FRMD4A: variants seen among roughly 807,000 people sequenced by gnomAD.
The protein encoded by FRMD4A is FERM domain-containing protein 4A.
A neutral mutation model predicts 129.1 loss-of-function variants in FRMD4A; 29 were observed. That is an observed-to-expected ratio of 0.22 (90% CI 0.17 to 0.31). The LOEUF (loss-of-function observed/expected upper bound fraction) is 0.31. FRMD4A is among the 10% of genes least tolerant of loss of function. FRMD4A has a pLI of 1.00. For missense variants in FRMD4A, 1,272 were observed against 1,375.8 expected (o/e 0.92, Z 1.19); for synonymous variants, 634 against 571.6 (o/e 1.11, Z -1.56).
intron 2 of FRMD4A, among the ~76,000 whole-genome samples, chr10:14,075,739 G>T (rs774049246): frequency 1.1e-5 from 1 of 89,548 alleles, no homozygotes; most frequent in Non-Finnish European, 2.2e-5. Flanking sequence ...TAGTGTGTGT[G>T]TATATTTTAT....
chr10:14,152,499 G>T (rs1840389794), intron 2 of FRMD4A, among the ~76,000 whole-genome samples: 1 of 152,088 alleles, frequency 6.6e-6, no homozygotes, highest in Non-Finnish European at 1.5e-5. Flanking sequence ...TTAAATATCT[G>T]ACCAGCATGT....
chr10:14,068,341 C>G (rs547512312), intron 2 of FRMD4A, among the ~76,000 whole-genome samples: 2 of 152,082 alleles, frequency 1.3e-5, no homozygotes, highest in South Asian at 4.1e-4. Context: ...AATGGTTATG[C>G]CTAAGAACTG....
intron 2 of FRMD4A, among the ~76,000 whole-genome samples, chr10:14,303,417 G>C (rs1022662344): frequency 2.6e-5 from 4 of 152,222 alleles, no homozygotes; most frequent in Admixed American, 1.3e-4. Flanking sequence ...GCTAGGGCCT[G>C]GCAGCACAGG....
intron 2 of FRMD4A, among the ~76,000 whole-genome samples, chr10:14,059,556 C>T (rs1351749079): frequency 6.6e-6 from 1 of 152,198 alleles, no homozygotes; most frequent in African/African-American, 2.4e-5. Context: ...AGGAAGAGAG[C>T]TCTCACTGGG....
At chr10:14,146,902 T>C (rs1162215149) in intron 2 of FRMD4A, among the ~76,000 whole-genome samples, 1 of 152,264 alleles carries the variant, frequency 6.6e-6, no homozygotes, top group Non-Finnish European at 1.5e-5. Flanking sequence ...AATAACTAAA[T>C]GTAATGCTTA....
At chr10:14,105,149 C>T (rs559592061) in intron 2 of FRMD4A, among the ~76,000 whole-genome samples, 31 of 152,348 alleles carry the variant, frequency 2.0e-4, no homozygotes, top group Non-Finnish European at 3.8e-4. Flanking sequence ...AGAGATGGGT[C>T]ATTTGAAGAG....
At chr10:13,661,186 G>A (rs1173389049) in intron 19 of FRMD4A, among the ~76,000 whole-genome samples, 1 of 152,140 alleles carries the variant, frequency 6.6e-6, no homozygotes, top group African/African-American at 2.4e-5. Context: ...CTTTTTTAAG[G>A]AGATGAGCTA....
chr10:14,222,820 G>T (rs990774482), intron 2 of FRMD4A, among the ~76,000 whole-genome samples: 2 of 152,168 alleles, frequency 1.3e-5, no homozygotes, highest in Admixed American at 6.5e-5. Flanking sequence ...GGTGCCTCAT[G>T]CCTGTAATCC....
At chr10:13,717,231 A>C (rs1471411243) in intron 12 of FRMD4A, among the ~76,000 whole-genome samples, 1 of 152,212 alleles carries the variant, frequency 6.6e-6, no homozygotes, top group East Asian at 1.9e-4. Flanking sequence ...TACTTGGTAC[A>C]TCTGGGGAGA....
At chr10:14,004,434 C>T (rs909402009) in intron 2 of FRMD4A, among the ~76,000 whole-genome samples, 10 of 152,090 alleles carry the variant, frequency 6.6e-5, no homozygotes, top group Admixed American at 6.5e-4. Context: ...ACCAGTTGCT[C>T]TGGAGGCTGA....
At chr10:13,825,785 T>C (rs1409022993) in intron 3 of FRMD4A, among the ~76,000 whole-genome samples, 1 of 152,200 alleles carries the variant, frequency 6.6e-6, no homozygotes, top group Non-Finnish European at 1.5e-5. Flanking sequence ...TGGAATCTTG[T>C]ATTGAATCAT....
chr10:13,962,949 A>G (rs898525687), intron 2 of FRMD4A, among the ~76,000 whole-genome samples: 1 of 152,272 alleles, frequency 6.6e-6, no homozygotes. Context: ...TATTTCATGA[A>G]CAAAGTAAAA....
chr10:14,041,627 T>C (rs1036364077), intron 2 of FRMD4A, among the ~76,000 whole-genome samples: 3 of 152,142 alleles, frequency 2.0e-5, no homozygotes, highest in Non-Finnish European at 4.4e-5. Flanking sequence ...GGACTATTCA[T>C]AACAGCTCCA....
intron 2 of FRMD4A, among the ~76,000 whole-genome samples, chr10:14,292,277 A>C (rs1236540796): frequency 1.3e-5 from 2 of 152,226 alleles, no homozygotes; most frequent in African/African-American, 4.8e-5. Context: ...AGACAGTGAG[A>C]TACTGGCATG....
chr10:13,754,745 G>A (rs1165602026), intron 8 of FRMD4A, among the ~76,000 whole-genome samples: 1 of 151,968 alleles, frequency 6.6e-6, no homozygotes, highest in Non-Finnish European at 1.5e-5. Context: ...AAATTTGAAA[G>A]TTTAGGTAGA....
chr10:13,947,016 A>G (rs2095337031), intron 2 of FRMD4A, among the ~76,000 whole-genome samples: 2 of 152,078 alleles, frequency 1.3e-5, no homozygotes, highest in Admixed American at 6.6e-5. Flanking sequence ...GACTTCAGAG[A>G]GGAGATTGTT....
At chr10:13,741,799 A>G (rs1041070852) in intron 9 of FRMD4A, among the ~76,000 whole-genome samples, 1 of 152,218 alleles carries the variant, frequency 6.6e-6, no homozygotes, top group South Asian at 2.1e-4. Context: ...CTTGGAGAAC[A>G]ACAGCAAACC....
At chr10:13,865,649 C>A (rs567996956) in intron 2 of FRMD4A, among the ~76,000 whole-genome samples, 1 of 151,678 alleles carries the variant, frequency 6.6e-6, no homozygotes, top group Non-Finnish European at 1.5e-5. Flanking sequence ...ACACGTCTCA[C>A]TATGTAAATT....
intron 2 of FRMD4A, among the ~76,000 whole-genome samples, chr10:14,321,604 G>A (rs1300863742): frequency 6.6e-6 from 1 of 152,142 alleles, no homozygotes; most frequent in African/African-American, 2.4e-5. Flanking sequence ...TAAAAAGCTA[G>A]AGCCTTATCC....
Sources: gnomAD v4.1 joint callset for allele counts (sites outside exome capture counted in the v4.1 genomes callset) on GRCh38, gnomAD v4.1.1 for gene constraint, MANE v1.5 for transcripts, NCBI Gene and HGNC (gene_info 2026-07-23, HGNC 2026-07-21) for gene names.